The following PDE4D variants were observed in gnomAD, a reference collection of about 807,000 sequenced individuals.
PDE4D encodes the protein 3',5'-cyclic-AMP phosphodiesterase 4D.
In PDE4D, 24 loss-of-function variants were observed where a neutral mutation model predicts 87.4. That is an observed-to-expected ratio of 0.27 (90% CI 0.20 to 0.39). The LOEUF (loss-of-function observed/expected upper bound fraction) is 0.39. Among genes scored for constraint, PDE4D ranks in the 10% least tolerant of loss-of-function variants. The probability of loss-of-function intolerance (pLI) is 1.00; values close to 1 mark genes in which losing one functional copy is unlikely to be tolerated. For missense variants in PDE4D, 714 were observed against 1,041.0 expected, an observed-to-expected ratio of 0.69 and a Z score of 4.32; for synonymous variants, 384 against 383.2, an observed-to-expected ratio of 1.00 and a Z score of -0.02.
chr5:60,141,589 C>T (rs1780540149), intron 2 of PDE4D, among the ~76,000 whole-genome samples: 1 of 152,116 alleles, frequency 6.6e-6, no homozygotes, highest in Admixed American at 6.6e-5. Context: ...ATAACAAGAG[C>T]TTGCTTACCC....
chr5:59,378,068 G>A (rs949313701), intron 1 of PDE4D, among the ~76,000 whole-genome samples: 4 of 152,072 alleles, frequency 2.6e-5, no homozygotes, highest in Non-Finnish European at 5.9e-5. Context: ...AAAAAAATGT[G>A]GTGCATACAC....
At chr5:60,133,339 AT>A (rs548364565) in intron 2 of PDE4D, among the ~76,000 whole-genome samples, 1 of 151,758 alleles carries the variant, frequency 6.6e-6, no homozygotes, top group Admixed American at 6.6e-5. Context: ...TTTATTATTA[AT>A]TTTTTTTAGA....
intron 1 of PDE4D, among the ~76,000 whole-genome samples, chr5:60,315,173 C>G (rs1348638904): frequency 6.6e-6 from 1 of 152,182 alleles, no homozygotes; most frequent in East Asian, 1.9e-4. Context: ...TTCATGATCA[C>G]CATTCTAACT....
chr5:59,171,800 TA>T lies in PDE4D; in HGVS notation c.808+8794del, dbSNP rs1334343430. Among the ~76,000 whole-genome samples the T allele has an allele frequency of 3.3e-5, 4 of 122,238 alleles. No homozygotes were observed. The East Asian group carries it at 8.1e-4, about 25-fold the overall frequency. The allele number at this position is 122,238 out of a possible 152,430, so 80.2% of individuals were successfully genotyped here. On this transcript the variant is annotated intron_variant, in intron 5 of 14. Coordinates refer to ENST00000340635, the MANE Select transcript of PDE4D (RefSeq NM_001104631.2). ...TGAATACATATTCATATATATTATA[TA>T]TTAAATATATAATATAATTATTTAA...
At chr5:59,494,266 C>T (rs755666088) in intron 1 of PDE4D, among the ~76,000 whole-genome samples, 2 of 152,142 alleles carry the variant, frequency 1.3e-5, no homozygotes, top group African/African-American at 4.8e-5. Context: ...AATAAAGGCA[C>T]TTTCTAGAAG....
At chr5:60,521,270 T>TGAGACACAA (rs1751028408) in intron 1 of PDE4D, 6 of 152,212 alleles carry the variant, frequency 3.9e-5, no homozygotes, top group Non-Finnish European at 7.3e-5. Context: ...AGACATCATC[T>TGAGACACAA]TAAAGTCTGA....
intron 6 of PDE4D, among the ~76,000 whole-genome samples, chr5:59,002,569 C>T (rs75566425): frequency 0.047 from 7,192 of 152,140 alleles, 216 homozygotes; most frequent in Non-Finnish European, 0.068. Flanking sequence ...AGAGAGAAAG[C>T]GCAAGAGAGC....
In PDE4D at chr5:59,547,897, G is replaced by A. The variant is rs149240768; in HGVS notation, c.456-331929C>T. 5.8e-3 allele frequency among the ~76,000 whole-genome samples: 880 copies of A among 152,252 alleles called. 7 individuals are homozygous for A. Among genetic ancestry groups the A allele is most frequent in the Middle Eastern group, 0.017 (5 of 294 alleles). ...GTTGACCTGTAATCCAAGTGCACAC[G>A]TTTCAAGTCAGCCCTGGGTTTTCCT... On this transcript the variant is annotated intron_variant, in intron 1 of 14. Coordinates refer to ENST00000340635, the MANE Select transcript of PDE4D (RefSeq NM_001104631.2).
rs1471608132 is a variant in PDE4D at position 59,396,904 on chromosome 5, G to C, written c.456-180936C>G. On this transcript the variant is annotated intron_variant, in intron 1 of 14. Transcript: ENST00000340635. ...TGGAGGAAGATCTACCAAGCAAATG[G>C]AAAACAAAAAAAGGCAGGGGTTGCA... is the stretch of plus-strand genomic sequence containing the variant. Among the ~76,000 whole-genome samples, 2 of 113,408 alleles carry C rather than the reference G, an allele frequency of 1.8e-5. 1 individual carries two copies. Among genetic ancestry groups the C allele is most frequent in the East Asian group, 5.7e-4 (2 of 3,538 alleles). 74.4% of individuals were successfully genotyped at this position (113,408 alleles called of 152,430 possible).
At chr5:60,110,409 A>T (rs533650593) in intron 2 of PDE4D, among the ~76,000 whole-genome samples, 2 of 152,246 alleles carry the variant, frequency 1.3e-5, no homozygotes, top group East Asian at 3.9e-4. Flanking sequence ...CAACAGGTAT[A>T]TGAGAAAATG....
intron 1 of PDE4D, among the ~76,000 whole-genome samples, chr5:59,423,547 G>A (rs1450871100): frequency 6.6e-6 from 1 of 152,096 alleles, no homozygotes; most frequent in African/African-American, 2.4e-5. Flanking sequence ...TTATGATAGT[G>A]CAGTAACAGA....
chr5:60,464,550 G>A (rs888464257), intron 1 of PDE4D, among the ~76,000 whole-genome samples: 1 of 152,120 alleles, frequency 6.6e-6, no homozygotes, highest in Admixed American at 6.6e-5. Context: ...ACTCAGCTTG[G>A]TAAGGCATTC....
intron 1 of PDE4D, among the ~76,000 whole-genome samples, chr5:59,583,462 G>A (rs911835640): frequency 1.3e-5 from 2 of 152,172 alleles, no homozygotes; most frequent in African/African-American, 2.4e-5. Context: ...ATCCAGTGAG[G>A]CAAACCCTTA....
chr5:60,442,875 G>A (rs1384597626), intron 1 of PDE4D, among the ~76,000 whole-genome samples: 1 of 152,084 alleles, frequency 6.6e-6, no homozygotes, highest in Non-Finnish European at 1.5e-5. Flanking sequence ...TTCTATTAAT[G>A]TTGAAGCTTT....
intron 3 of PDE4D, among the ~76,000 whole-genome samples, chr5:59,901,765 G>A (rs897079154): frequency 3.9e-5 from 6 of 152,044 alleles, no homozygotes; most frequent in Admixed American, 3.9e-4. Context: ...TAAAAAGCCT[G>A]ATGACACCAT....
intron 1 of PDE4D, among the ~76,000 whole-genome samples, chr5:59,363,592 T>C (rs1782572879): frequency 6.6e-6 from 1 of 152,238 alleles, no homozygotes; most frequent in African/African-American, 2.4e-5. Context: ...ATCTACATGT[T>C]ACTTAATCTT....
intron 6 of PDE4D, among the ~76,000 whole-genome samples, chr5:59,021,290 T>C (rs966852046): frequency 6.6e-6 from 1 of 152,134 alleles, no homozygotes; most frequent in Non-Finnish European, 1.5e-5. Flanking sequence ...TAGGCTATCA[T>C]AGAGTGCTGG....
At chr5:60,517,166 T>G (rs940806848) in intron 1 of PDE4D, among the ~76,000 whole-genome samples, 5 of 152,208 alleles carry the variant, frequency 3.3e-5, no homozygotes, top group African/African-American at 1.2e-4. Context: ...AGAGTACCAC[T>G]GACACACCAG....
intron 1 of PDE4D, among the ~76,000 whole-genome samples, chr5:60,318,355 CT>C (rs1209534110): frequency 6.6e-6 from 1 of 152,092 alleles, no homozygotes; most frequent in African/African-American, 2.4e-5. Context: ...TCCTCCATCC[CT>C]TTATTTTGAG....
Sources: gnomAD v4.1 joint callset for allele counts (sites outside exome capture counted in the v4.1 genomes callset) on GRCh38, gnomAD v4.1.1 for gene constraint, MANE v1.5 for transcripts, NCBI Gene and HGNC (gene_info 2026-07-23, HGNC 2026-07-21) for gene names.